EIPR1: variants seen among roughly 807,000 people sequenced by gnomAD.
EIPR1 encodes EARP complex and GARP complex interacting protein 1, also known as EARP and GARP complex-interacting protein 1.
Under a neutral mutation model 48.1 loss-of-function variants are expected in EIPR1, and 25 were observed. The ratio of observed to expected loss-of-function variants is 0.52; its 90% confidence interval spans 0.38 to 0.73. The LOEUF is 0.73. EIPR1 is among the 30% of genes least tolerant of loss of function. The pLI, the probability that EIPR1 is intolerant of heterozygous loss-of-function variation, is 0.00. For synonymous variants in EIPR1, 204 were observed against 201.9 expected (o/e 1.01, Z -0.09); for missense variants, 415 against 506.2 (o/e 0.82, Z 1.73).
At chr2:3,217,473 C>T (rs927589406) in intron 4 of EIPR1, among the ~76,000 whole-genome samples, 2 of 151,916 alleles carry the variant, frequency 1.3e-5, no homozygotes, top group Non-Finnish European at 2.9e-5. Context: ...AGAAAGTAAC[C>T]CCATACAATT....
chr2:3,367,230 T>C (rs776984538), intron 1 of EIPR1, among the ~76,000 whole-genome samples: 2 of 152,162 alleles, frequency 1.3e-5, no homozygotes, highest in African/African-American at 2.4e-5. Context: ...GGCTGGGATT[T>C]TGTCTGTTTC....
At chr2:3,309,447 A>C (rs972570574) in intron 3 of EIPR1, among the ~76,000 whole-genome samples, 2 of 152,240 alleles carry the variant, frequency 1.3e-5, no homozygotes, top group Non-Finnish European at 2.9e-5. Flanking sequence ...AGAAACAAAG[A>C]GAACAGAAAA....
chr2:3,300,647 T>G (rs903799128), intron 3 of EIPR1, among the ~76,000 whole-genome samples: 4 of 149,924 alleles, frequency 2.7e-5, no homozygotes, highest in African/African-American at 7.4e-5. Context: ...ACCATTTCCA[T>G]GAAAAAAAAA....
chr2:3,355,812 T>TAAATAAAATAAAATAAAATA (rs10581799), intron 1 of EIPR1, among the ~76,000 whole-genome samples: 14,760 of 148,776 alleles, frequency 0.099, 816 homozygotes, highest in Non-Finnish European at 0.12. Context: ...AGACCCTGTC[T>TAAATAAAATAAAATAAAATA]AAATAAAATA....
chr2:3,330,928 GT>G, intron 3 of EIPR1, among the ~76,000 whole-genome samples: 1 of 118,994 alleles, frequency 8.4e-6, no homozygotes, highest in African/African-American at 3.5e-5. Flanking sequence ...AGACTGGCAA[GT>G]GTACACTCGT....
chr2:3,246,007 C>T (rs1024810260), intron 4 of EIPR1, among the ~76,000 whole-genome samples: 1 of 152,124 alleles, frequency 6.6e-6, no homozygotes, highest in African/African-American at 2.4e-5. Flanking sequence ...GGGAGGATCA[C>T]GTGAGCCTGG....
At chr2:3,263,123 C>T (rs1053856235) in intron 3 of EIPR1, among the ~76,000 whole-genome samples, 4 of 152,142 alleles carry the variant, frequency 2.6e-5, no homozygotes, top group African/African-American at 4.8e-5. Flanking sequence ...CATTGGCAGG[C>T]GCTGTCAGAC....
At chr2:3,283,894 C>G (rs1668090679) in intron 3 of EIPR1, among the ~76,000 whole-genome samples, 1 of 144,740 alleles carries the variant, frequency 6.9e-6, no homozygotes, top group Non-Finnish European at 1.5e-5. Flanking sequence ...TGCAGTGAGC[C>G]AAGATTGCGC....
intron 3 of EIPR1, among the ~76,000 whole-genome samples, chr2:3,276,734 T>C (rs542259012): frequency 5.8e-4 from 89 of 152,378 alleles, no homozygotes; most frequent in South Asian, 1.0e-3. Context: ...GATCTACAGA[T>C]GTAATTTACC....
chr2:3,338,145 T>C lies in EIPR1; in HGVS notation c.131A>G (p.His44Arg), dbSNP rs1367049480. 1.2e-6 allele frequency: 2 copies of C among 1,609,584 alleles called. No individual in the cohort carries two copies. The highest frequency in any genetic ancestry group is 1.7e-6 in the Non-Finnish European group (2 of 1,179,084). ...GTTTTCATCGTCAAAATCTATGATATGGATCTACAAATACAAGAAAAGAGC... is the reference window on the plus strand; with the variant it reads ...GTTTTCATCGTCAAAATCTATGATACGGATCTACAAATACAAGAAAAGAGC... ...TQSLKYDNQI[H>R]IIDFDDENNI... The change falls in exon 3 of 9, where the codon CAT (histidine) becomes CGT (arginine). Residue 44 changes from histidine (H) to arginine (R), a missense_variant. Transcript: ENST00000382125.
intron 1 of EIPR1, among the ~76,000 whole-genome samples, chr2:3,362,497 A>G (rs1202134900): frequency 6.6e-6 from 1 of 152,148 alleles, no homozygotes; most frequent in Non-Finnish European, 1.5e-5. Context: ...CACAAAAGCT[A>G]CTTTATCAAG....
chr2:3,301,672 C>A (rs1002725948), intron 3 of EIPR1, among the ~76,000 whole-genome samples: 6 of 152,208 alleles, frequency 3.9e-5, no homozygotes, highest in African/African-American at 1.4e-4. Context: ...TTGTTTGACA[C>A]CTCAAACCTC....
chr2:3,248,819 A>T (rs1308679425), intron 4 of EIPR1, among the ~76,000 whole-genome samples: 10 of 152,154 alleles, frequency 6.6e-5, no homozygotes, highest in Admixed American at 6.5e-4. Flanking sequence ...GGACTTCCCC[A>T]TTCTCTCTCT....
At chr2:3,288,106 C>T (rs1219115798) in intron 3 of EIPR1, among the ~76,000 whole-genome samples, 2 of 152,164 alleles carry the variant, frequency 1.3e-5, no homozygotes, top group Non-Finnish European at 1.5e-5. Flanking sequence ...GATGCGGTGG[C>T]GTCATGGCAG....
intron 5 of EIPR1, among the ~76,000 whole-genome samples, chr2:3,199,650 T>TG (rs552623154): frequency 1.8e-3 from 257 of 145,184 alleles, no homozygotes; most frequent in South Asian, 2.7e-3. Context: ...TGAGCAGCTA[T>TG]GGGGGGCGTG....
rs574492173 is a variant in EIPR1 at position 3,248,756 on chromosome 2, G to A, written c.416+8543C>T. On this transcript the variant is annotated intron_variant, in intron 4 of 8. Coordinates refer to ENST00000382125, the MANE Select transcript of EIPR1 (RefSeq NM_003310.5). ...ATGACACTCCAGACTGGGCGACAAA[G>A]TGAGACTGTCTAAAAAAAAGAAAAC... Among the ~76,000 whole-genome samples the A allele has an allele frequency of 4.6e-5, 7 of 152,278 alleles. 1 individual carries two copies. Among genetic ancestry groups the A allele is most frequent in the African/African-American group, 9.6e-5 (4 of 41,550 alleles).
intron 4 of EIPR1, among the ~76,000 whole-genome samples, chr2:3,237,156 AC>A (rs1666431022): frequency 6.6e-6 from 1 of 151,380 alleles, no homozygotes; most frequent in African/African-American, 2.4e-5. Context: ...TCCAGAAAAA[AC>A]CACAAATCAT....
intron 3 of EIPR1, among the ~76,000 whole-genome samples, chr2:3,266,555 A>G (rs1667495774): frequency 6.6e-6 from 1 of 152,218 alleles, no homozygotes; most frequent in African/African-American, 2.4e-5. Flanking sequence ...GACAAGGATG[A>G]CACCAACTCT....
intron 3 of EIPR1, chr2:3,274,418 TGCTAGAAAAAAA>T: frequency 6.5e-7 from 1 of 1,550,104 alleles, no homozygotes; most frequent in Non-Finnish European, 8.7e-7. Context: ...CACAACAAAA[TGCTAGAAAAAAA>T]GTCAGGGCAG....
Sources: gnomAD v4.1 joint callset for allele counts (sites outside exome capture counted in the v4.1 genomes callset) on GRCh38, gnomAD v4.1.1 for gene constraint, MANE v1.5 for transcripts, NCBI Gene and HGNC (gene_info 2026-07-23, HGNC 2026-07-21) for gene names.